CCDC157: variants seen among roughly 807,000 people sequenced by gnomAD.
CCDC157 encodes coiled-coil domain containing 157, also known as coiled-coil domain-containing protein 157.
In CCDC157, 60 loss-of-function variants were observed where a neutral mutation model predicts 70.9. That is an observed-to-expected ratio of 0.85 (90% CI 0.69 to 1.05). CCDC157 has a LOEUF of 1.05. Among genes scored for constraint, CCDC157 ranks in the 50% least tolerant of loss-of-function variants. The probability of loss-of-function intolerance (pLI) is 0.00; values close to 1 mark genes in which losing one functional copy is unlikely to be tolerated. For missense variants in CCDC157, 943 were observed against 984.2 expected, an observed-to-expected ratio of 0.96 and a Z score of 0.56; for synonymous variants, 373 against 422.4, an observed-to-expected ratio of 0.88 and a Z score of 1.43.
At chr22:30,375,349 G>A in intron 9 of CCDC157, 130 bp from the exon 10 acceptor site, 2 of 789,102 alleles carry the variant, frequency 2.5e-6, no homozygotes, top group Non-Finnish European at 4.2e-6. Flanking sequence ...GACAGGGAAG[G>A]GGGAATAAGG....
In CCDC157 at chr22:30,377,928, G is replaced by A. The variant is rs2145976972; in HGVS notation, c.*1183G>A. On this transcript the variant is annotated 3_prime_UTR_variant, in exon 12 of 12. Coordinates refer to ENST00000338306, the MANE Select transcript of CCDC157 (RefSeq NM_001017437.5). ...TGTGTGGCTGGGTTTTTTTGCTCCGGGTCCCAGAGGGCTGAAATTGAGGCA... is the reference window on the plus strand; with the variant it reads ...TGTGTGGCTGGGTTTTTTTGCTCCGAGTCCCAGAGGGCTGAAATTGAGGCA... 2 of 345,990 alleles carry A rather than the reference G, an allele frequency of 5.8e-6. No homozygotes were observed. Among genetic ancestry groups the A allele is most frequent in the East Asian group, 7.6e-5 (1 of 13,152 alleles). The allele number at this position is 345,990 out of a possible 1,614,324, so 21.4% of individuals were successfully genotyped here.
At chr22:30,371,998 G>A (rs1932971031) in intron 6 of CCDC157, 77 bp from the exon 7 acceptor site, 4 of 996,856 alleles carry the variant, frequency 4.0e-6, no homozygotes, top group Admixed American at 2.4e-5. Flanking sequence ...GAGATGGGAT[G>A]TGAGCTCCCG....
intron 1 of CCDC157, among the ~76,000 whole-genome samples, chr22:30,357,731 G>C (rs1445364406): frequency 6.7e-6 from 1 of 150,110 alleles, no homozygotes; most frequent in Non-Finnish European, 1.5e-5. Flanking sequence ...TGGCCAGGCT[G>C]GTCTGGAACT....
chr22:30,376,777 G>A lies in CCDC157; in HGVS notation c.*32G>A, dbSNP rs1309181650. 6.3e-7 allele frequency: 1 copy of A among 1,583,578 alleles called. No homozygotes were observed. On this transcript the variant is annotated 3_prime_UTR_variant, in exon 12 of 12. Coordinates refer to ENST00000338306, the MANE Select transcript of CCDC157 (RefSeq NM_001017437.5). ...GCCCAGGGCTGAGGCTGGATGGGAG[G>A]TGGCTGGCAGCCCACCCACTGTAAT... is the stretch of plus-strand genomic sequence containing the variant.
At chr22:30,373,372 A>T in intron 7 of CCDC157, 1 of 560,828 alleles carries the variant, frequency 1.8e-6, no homozygotes, top group Non-Finnish European at 3.2e-6. Flanking sequence ...CGGGGTCTTC[A>T]AGCTGGGATC....
chr22:30,360,426 AC>A (rs2145856435), intron 1 of CCDC157, among the ~76,000 whole-genome samples: 1 of 151,700 alleles, frequency 6.6e-6, no homozygotes, highest in Admixed American at 6.6e-5. Flanking sequence ...AATGGCGTGA[AC>A]CCAGGAGGCA....
Position 30,371,629 on chromosome 22 carries a change from CCT to C in CCDC157, c.1046-14_1046-13del, listed in dbSNP as rs934576699. The C allele has an allele frequency of 6.2e-7, 1 of 1,603,584 alleles. No individual in the cohort carries two copies. The highest frequency in any genetic ancestry group is 8.5e-7 in the Non-Finnish European group (1 of 1,170,408). Reference sequence around the variant, plus strand: ...CAGGTCCATGGGACCCTCTGAAGGGCCTCTCTCTTGGCTGCCATAGAAACAAG... The same window carrying C: ...CAGGTCCATGGGACCCTCTGAAGGGCCTCTCTTGGCTGCCATAGAAACAAG... On this transcript the variant is annotated intron_variant, in intron 5 of 11. Coordinates refer to ENST00000338306, the MANE Select transcript of CCDC157 (RefSeq NM_001017437.5).
At chr22:30,375,107 C>T (rs376789938) in intron 9 of CCDC157, 8 of 289,998 alleles carry the variant, frequency 2.8e-5, no homozygotes, top group Non-Finnish European at 4.7e-5. Flanking sequence ...TACGGGGGCC[C>T]GCCACCACAC....
intron 2 of CCDC157, among the ~76,000 whole-genome samples, chr22:30,364,513 A>AT (rs1335934457): frequency 6.6e-6 from 1 of 152,286 alleles, no homozygotes; most frequent in East Asian, 1.9e-4. Context: ...TTGTTTTAAA[A>AT]ATATATATAA....
At chr22:30,374,718 T>A (rs1190205850) in intron 9 of CCDC157, 1 of 456,624 alleles carries the variant, frequency 2.2e-6, no homozygotes, top group Admixed American at 2.3e-5. Context: ...CATAGCCCCA[T>A]AGCTATTTCC....
rs1343325001 is a variant in CCDC157 at position 30,370,331 on chromosome 22, G to A, written c.426G>A (p.Gly142=). 4 of 1,613,280 alleles carry A rather than the reference G, an allele frequency of 2.5e-6. No individual in the cohort carries two copies. In the East Asian group the frequency reaches 8.9e-5, roughly 36 times the overall value. ...TTGTCTTTTTCTGAACACAGAAAGG[G>A]GCAAACCAAAGGGAGACTCCCACCT... ...TLHQQPLPQK[G]ANQRETPTSK... is the part of the protein sequence containing the mutation. Residue 142 remains glycine, a synonymous_variant, in exon 5 of 12, where the codon GGG becomes GGA. Transcript: ENST00000338306.
intron 10 of CCDC157, 39 bp downstream of exon 10, chr22:30,375,702 A>G: frequency 6.4e-7 from 1 of 1,560,320 alleles, no homozygotes; most frequent in Non-Finnish European, 8.7e-7. Flanking sequence ...ACCAGGAGGA[A>G]GCCCCTATCC....
At chr22:30,363,892 G>A (rs1467437468) in intron 2 of CCDC157, among the ~76,000 whole-genome samples, 2 of 152,156 alleles carry the variant, frequency 1.3e-5, no homozygotes, top group Non-Finnish European at 1.5e-5. Flanking sequence ...TCACCATGTT[G>A]GCCAGGCTTG....
Position 30,376,733 on chromosome 22 carries a change from G to A in CCDC157, c.2247G>A (p.Glu749=), listed in dbSNP as rs908341570. ...CCAGCTCTGCACACCAGCCCCAGGA[G>A]CGGCCCATGTAGCCTGTGGCCCAGG... ...GQASSAHQPQ[E]RPM Residue 749 remains glutamate (E), a synonymous_variant, in exon 12 of 12, where the codon GAG becomes GAA. Coordinates refer to ENST00000338306, the MANE Select transcript of CCDC157 (RefSeq NM_001017437.5). 1 of 1,612,474 alleles carries A rather than the reference G, an allele frequency of 6.2e-7. No homozygotes were observed. Among genetic ancestry groups the A allele is most frequent in the African/African-American group, 1.3e-5 (1 of 75,054 alleles).
At chr22:30,361,217 C>T (rs1185539764) in intron 1 of CCDC157, among the ~76,000 whole-genome samples, 2 of 139,750 alleles carry the variant, frequency 1.4e-5, no homozygotes, top group African/African-American at 5.4e-5. Flanking sequence ...CACTGTACTC[C>T]AGCCTGGGTG....
intron 2 of CCDC157, among the ~76,000 whole-genome samples, chr22:30,364,517 T>C (rs1042479442): frequency 3.3e-5 from 5 of 152,076 alleles, no homozygotes; most frequent in Non-Finnish European, 5.9e-5. Flanking sequence ...TTTAAAAATA[T>C]ATATAATGGG....
In CCDC157 at chr22:30,372,193, T is replaced by C. The variant is rs1395679947; in HGVS notation, c.1242T>C (p.Gly414=). 6.9e-6 allele frequency: 11 copies of C among 1,590,566 alleles called. No homozygotes were observed. Among genetic ancestry groups the C allele is most frequent in the African/African-American group, 1.3e-5 (1 of 74,576 alleles). Residue 414 remains glycine, a synonymous_variant, in exon 7 of 12, where the codon GGT becomes GGC. Coordinates refer to ENST00000338306, the MANE Select transcript of CCDC157 (RefSeq NM_001017437.5). The stretch of plus-strand genomic sequence containing the variant: ...AGGCGCAGGTGCAGCTGTTGGTGGG[T>C]CGGCTGGAGGGCGCTGGCCAGCAGG... The part of the protein sequence containing the change: ...QLEAQVQLLV[G]RLEGAGQQVC...
chr22:30,366,620 C>A (rs1022065053), intron 3 of CCDC157: 1 of 316,338 alleles, frequency 3.2e-6, no homozygotes, highest in Non-Finnish European at 6.5e-6. Context: ...ATTCCGGGCT[C>A]TCTTTCCTGT....
intron 2 of CCDC157, among the ~76,000 whole-genome samples, chr22:30,364,327 A>G (rs950440290): frequency 6.6e-6 from 1 of 152,044 alleles, no homozygotes; most frequent in Non-Finnish European, 1.5e-5. Context: ...GACAGAGACC[A>G]TGTCTCAAAA....
Sources: allele counts gnomAD v4.1 joint callset (sites outside exome capture counted in the v4.1 genomes callset), GRCh38; gene constraint gnomAD v4.1.1; transcripts MANE v1.5; gene names NCBI Gene and HGNC (gene_info 2026-07-23, HGNC 2026-07-21).